Variants in CFAP299 observed in about 807,000 individuals in gnomAD.
CFAP299 encodes the protein cilia and flagella associated protein 299, also known as cilia- and flagella-associated protein 299.
In CFAP299, 21 loss-of-function variants were observed where a neutral mutation model predicts 27.0. The observed-to-expected ratio is 0.78, with a 90% CI of 0.55 to 1.12. The LOEUF is 1.12. Among genes scored for constraint, CFAP299 ranks in the 50% most tolerant of loss-of-function variants. The pLI is 0.00. For synonymous variants in CFAP299, 104 were observed against 98.1 expected (o/e 1.06, Z -0.36); for missense variants, 310 against 276.6 (o/e 1.12, Z -0.86).
intron 2 of CFAP299, among the ~76,000 whole-genome samples, chr4:80,478,968 T>C (rs1379461481): frequency 1.3e-5 from 2 of 152,000 alleles, no homozygotes; most frequent in African/African-American, 4.8e-5. Context: ...CTGATAAGGC[T>C]AGTGTTGAGT....
At chr4:80,358,115 C>T (rs765409917) in intron 1 of CFAP299, among the ~76,000 whole-genome samples, 34 of 152,176 alleles carry the variant, frequency 2.2e-4, no homozygotes, top group South Asian at 4.1e-4. Flanking sequence ...CATTCAGGAG[C>T]AGATTATTCA....
chr4:80,918,523 C>G (rs1202784310), intron 4 of CFAP299, among the ~76,000 whole-genome samples: 1 of 151,764 alleles, frequency 6.6e-6, no homozygotes, highest in African/African-American at 2.4e-5. Context: ...ACTATTATTT[C>G]TACAGAGAGA....
chr4:80,657,857 A>G (rs1740641738), intron 3 of CFAP299, among the ~76,000 whole-genome samples: 2 of 152,282 alleles, frequency 1.3e-5, no homozygotes, highest in East Asian at 3.9e-4. Context: ...CTTCCTATCC[A>G]TGAGCATAGA....
In CFAP299 at chr4:80,407,772, C is replaced by A. The variant is rs544130093; in HGVS notation, c.242+44888C>A. On this transcript the variant is annotated intron_variant, in intron 2 of 5. Coordinates refer to ENST00000358105, the MANE Select transcript of CFAP299 (RefSeq NM_152770.3). ...GCCATTTTTACCTCCACAAATTAAC[C>A]AACATTGTGAATTCTGTGTTCATTA... Among the ~76,000 whole-genome samples, 106 of 152,186 alleles carry A rather than the reference C, an allele frequency of 7.0e-4. No individual in the cohort carries two copies. In the Middle Eastern group the frequency reaches 0.034, roughly 49 times the overall value.
chr4:80,574,742 T>C (rs1004683326), intron 2 of CFAP299, among the ~76,000 whole-genome samples: 9 of 152,226 alleles, frequency 5.9e-5, no homozygotes, highest in African/African-American at 2.2e-4. Context: ...CTTTGTTATG[T>C]TGATGTGATG....
rs568517431 is a variant in CFAP299, at chr4:80,894,015, G to A, written c.476+23880G>A. ...TATAAGAAACACAAGCAACTCAGCA[G>A]CAAGAAAACAAATAACCCAATTAAA... On this transcript the variant is annotated intron_variant, in intron 4 of 5. Transcript: ENST00000358105. 4.0e-5 allele frequency among the ~76,000 whole-genome samples: 6 copies of A among 151,788 alleles called. No individual in the cohort carries two copies. In the East Asian group the frequency reaches 1.2e-3, roughly 29 times the overall value.
At chr4:80,335,904 G>A (rs1484416794) in intron 1 of CFAP299, 25 bp downstream of exon 1, 1 of 1,408,208 alleles carries the variant, frequency 7.1e-7, no homozygotes, top group South Asian at 1.1e-5. Flanking sequence ...CGGCAGAGTA[G>A]CCGCCGCCGC....
chr4:80,725,586 G>A (rs114794061), intron 3 of CFAP299, among the ~76,000 whole-genome samples: 3 of 152,200 alleles, frequency 2.0e-5, no homozygotes, highest in Non-Finnish European at 4.4e-5. Context: ...CCCTGGAAAA[G>A]TCAGATTCTT....
intron 4 of CFAP299, chr4:80,870,613 C>T (rs1388268981): frequency 1.5e-5 from 15 of 985,896 alleles, no homozygotes; most frequent in Non-Finnish European, 1.4e-5. Flanking sequence ...CCAATGCTTG[C>T]CTTTTATTCT....
intron 2 of CFAP299, among the ~76,000 whole-genome samples, chr4:80,547,182 A>C (rs901138747): frequency 6.6e-6 from 1 of 152,166 alleles, no homozygotes; most frequent in African/African-American, 2.4e-5. Context: ...AAACAGACAC[A>C]CAGACCAATG....
At chr4:80,707,187 G>A (rs372206962) in intron 3 of CFAP299, among the ~76,000 whole-genome samples, 1 of 151,892 alleles carries the variant, frequency 6.6e-6, no homozygotes. Context: ...CTAAATTTTA[G>A]AACAGGGGCT....
chr4:80,377,397 A>G (rs1330894864), intron 2 of CFAP299, among the ~76,000 whole-genome samples: 1 of 152,090 alleles, frequency 6.6e-6, no homozygotes, highest in Non-Finnish European at 1.5e-5. Flanking sequence ...TGAATTTTGT[A>G]GGTACTTTTG....
chr4:80,635,266 C>T (rs1434559226), intron 3 of CFAP299, among the ~76,000 whole-genome samples: 1 of 152,086 alleles, frequency 6.6e-6, no homozygotes, highest in Non-Finnish European at 1.5e-5. Context: ...CAGAAGATAG[C>T]AGAAATTGCA....
intron 4 of CFAP299, among the ~76,000 whole-genome samples, chr4:80,920,271 A>G (rs893965273): frequency 2.0e-5 from 3 of 152,104 alleles, no homozygotes; most frequent in East Asian, 3.9e-4. Flanking sequence ...CATTGAATAC[A>G]TGCTATATCC....
chr4:80,887,300 G>C (rs894455283), intron 4 of CFAP299, among the ~76,000 whole-genome samples: 3 of 152,018 alleles, frequency 2.0e-5, no homozygotes, highest in African/African-American at 7.2e-5. Context: ...ACTCCCAAAG[G>C]TCAAGGATGA....
rs1729013518 is a variant in CFAP299 at position 80,809,140 on chromosome 4, T to C, written c.334-60853T>C. Among the ~76,000 whole-genome samples, 3 of 152,172 alleles carry C rather than the reference T, an allele frequency of 2.0e-5. No homozygotes were observed. In the South Asian group the frequency reaches 6.2e-4, roughly 32 times the overall value. On this transcript the variant is annotated intron_variant, in intron 3 of 5. Coordinates refer to ENST00000358105, the MANE Select transcript of CFAP299 (RefSeq NM_152770.3). ...CAAACTATTTATAGCTGGGGCTATC[T>C]AATTTAGAGTAAACCTTTTGCCTCT...
At chr4:80,686,300 T>A (rs1329730221) in intron 3 of CFAP299, among the ~76,000 whole-genome samples, 3 of 152,186 alleles carry the variant, frequency 2.0e-5, no homozygotes, top group Non-Finnish European at 4.4e-5. Flanking sequence ...TTGACTTATG[T>A]CTATGATGAA....
intron 3 of CFAP299, among the ~76,000 whole-genome samples, chr4:80,752,235 T>A (rs1388333620): frequency 5.3e-5 from 8 of 152,136 alleles, no homozygotes; most frequent in African/African-American, 1.9e-4. Flanking sequence ...GTTTGGCTAA[T>A]CAGTCCCAAT....
intron 2 of CFAP299, among the ~76,000 whole-genome samples, chr4:80,523,170 T>C (rs906633322): frequency 2.6e-5 from 4 of 152,144 alleles, no homozygotes; most frequent in African/African-American, 7.2e-5. Flanking sequence ...TCAGCAATAT[T>C]TGTAGTTTTC....
Sources: allele counts gnomAD v4.1 joint callset (sites outside exome capture counted in the v4.1 genomes callset), GRCh38; gene constraint gnomAD v4.1.1; transcripts MANE v1.5; gene names NCBI Gene and HGNC (gene_info 2026-07-23, HGNC 2026-07-21).